Variants in NEGR1 observed in about 807,000 individuals in gnomAD.
NEGR1 encodes neuronal growth regulator 1.
Under a neutral mutation model 40.9 loss-of-function variants are expected in NEGR1, and 10 were observed. That is an observed-to-expected ratio of 0.24 (90% CI 0.15 to 0.42). The LOEUF (loss-of-function observed/expected upper bound fraction) is 0.42. NEGR1 is among the 10% of genes least tolerant of loss of function. The probability of loss-of-function intolerance (pLI) is 1.00; values close to 1 mark genes in which losing one functional copy is unlikely to be tolerated. For synonymous variants in NEGR1, 185 were observed against 166.8 expected (o/e 1.11, Z -0.84); for missense variants, 352 against 438.9 (o/e 0.80, Z 1.77).
chr1:72,148,056 G>A (rs1650976008), intron 1 of NEGR1, among the ~76,000 whole-genome samples: 1 of 152,112 alleles, frequency 6.6e-6, no homozygotes, highest in African/African-American at 2.4e-5. Flanking sequence ...GGGGTTTGGA[G>A]GATGGTGACC....
intron 3 of NEGR1, among the ~76,000 whole-genome samples, chr1:71,743,859 A>G (rs1251012402): frequency 6.6e-6 from 1 of 152,232 alleles, no homozygotes; most frequent in Non-Finnish European, 1.5e-5. Flanking sequence ...TAATTGAAGT[A>G]GTAGACTGCA....
chr1:72,277,259 C>G (rs542620319), intron 1 of NEGR1, among the ~76,000 whole-genome samples: 3 of 152,178 alleles, frequency 2.0e-5, no homozygotes, highest in South Asian at 2.1e-4. Flanking sequence ...CACAGAATAG[C>G]AGATGGACAA....
At position 71,655,031 on chromosome 1, in the gene NEGR1, T is replaced by G. The variant is rs1032690524; in HGVS notation, c.667+42977A>C. Among the ~76,000 whole-genome samples the G allele has an allele frequency of 3.9e-5, 6 of 152,298 alleles. No individual in the cohort carries two copies. The East Asian group carries it at 1.2e-3, about 29-fold the overall frequency. On this transcript the variant is annotated intron_variant, in intron 4 of 6. Coordinates refer to ENST00000357731, the MANE Select transcript of NEGR1 (RefSeq NM_173808.3). Reference sequence around the variant, plus strand: ...TGTTTGTCAGTTGAAATTTCAGTTCTGTTTTTGGCCACGTCCAATTGAAAC... The same window carrying G: ...TGTTTGTCAGTTGAAATTTCAGTTCGGTTTTTGGCCACGTCCAATTGAAAC...
chr1:71,824,276 C>CT lies in NEGR1; in HGVS notation c.410-47980dup, dbSNP rs531554223. On this transcript the variant is annotated intron_variant, in intron 2 of 6. Coordinates refer to ENST00000357731, the MANE Select transcript of NEGR1 (RefSeq NM_173808.3). ...TTAGCCACTGCAATTTTCTCAAACA[C>CT]TTTTTTTATTGAAAATATGGGCAGT... 4.6e-4 allele frequency among the ~76,000 whole-genome samples: 70 copies of CT among 151,664 alleles called. 1 individual carries two copies. In the South Asian group the frequency reaches 0.014, roughly 31 times the overall value.
chr1:71,844,883 A>T (rs1254888459), intron 2 of NEGR1, among the ~76,000 whole-genome samples: 1 of 152,150 alleles, frequency 6.6e-6, no homozygotes, highest in African/African-American at 2.4e-5. Context: ...GACATCCTTG[A>T]ACAGACAGGC....
At chr1:72,241,511 A>G (rs578046900) in intron 1 of NEGR1, among the ~76,000 whole-genome samples, 7 of 151,652 alleles carry the variant, frequency 4.6e-5, no homozygotes, top group African/African-American at 1.4e-4. Context: ...AGTACCATAA[A>G]CTAACTACTC....
At chr1:71,607,600 T>A (rs1053725097) in intron 5 of NEGR1, among the ~76,000 whole-genome samples, 1 of 152,252 alleles carries the variant, frequency 6.6e-6, no homozygotes, top group African/African-American at 2.4e-5. Context: ...AGGTTTGTTA[T>A]AAGAGTAAAA....
intron 4 of NEGR1, among the ~76,000 whole-genome samples, chr1:71,655,715 T>C (rs906403355): frequency 3.3e-5 from 5 of 152,258 alleles, no homozygotes; most frequent in African/African-American, 1.2e-4. Flanking sequence ...CCTGTCCTTG[T>C]TCTCACAGAG....
At chr1:71,887,750 T>C (rs1386550915) in intron 2 of NEGR1, among the ~76,000 whole-genome samples, 2 of 152,142 alleles carry the variant, frequency 1.3e-5, no homozygotes, top group African/African-American at 2.4e-5. Context: ...TATTTTGTTG[T>C]TGTTTTTACT....
chr1:72,104,914 A>G (rs527528256), intron 1 of NEGR1, among the ~76,000 whole-genome samples: 1 of 152,290 alleles, frequency 6.6e-6, no homozygotes, highest in Middle Eastern at 3.4e-3. Context: ...GACTTATCAG[A>G]GTACAGTCTG....
At chr1:71,988,653 A>T (rs1018097343) in intron 1 of NEGR1, among the ~76,000 whole-genome samples, 7 of 151,832 alleles carry the variant, frequency 4.6e-5, no homozygotes, top group African/African-American at 1.7e-4. Context: ...AGGGAAAAAA[A>T]CTGAAGATGC....
At chr1:72,098,427 G>GT (rs1648796787) in intron 1 of NEGR1, among the ~76,000 whole-genome samples, 1 of 152,136 alleles carries the variant, frequency 6.6e-6, no homozygotes, top group African/African-American at 2.4e-5. Flanking sequence ...CACGAAGGCT[G>GT]TTTTTTAAAA....
intron 1 of NEGR1, among the ~76,000 whole-genome samples, chr1:72,213,470 A>T: frequency 6.6e-6 from 1 of 152,002 alleles, no homozygotes; most frequent in South Asian, 2.1e-4. Flanking sequence ...GAAAACATTC[A>T]TCCAGGTAAT....
chr1:72,010,802 T>C (rs974719398), intron 1 of NEGR1, among the ~76,000 whole-genome samples: 5 of 152,162 alleles, frequency 3.3e-5, no homozygotes, highest in African/African-American at 1.2e-4. Context: ...ACTGGGTGGA[T>C]GGAAGTGACT....
chr1:71,923,536 T>C (rs1001868191), intron 2 of NEGR1, among the ~76,000 whole-genome samples: 4 of 152,196 alleles, frequency 2.6e-5, no homozygotes, highest in African/African-American at 9.7e-5. Flanking sequence ...TTGGCTGCCA[T>C]AACAAATTAT....
chr1:71,690,599 C>CACACAT (rs1491429462), intron 4 of NEGR1, among the ~76,000 whole-genome samples: 21 of 102,978 alleles, frequency 2.0e-4, no homozygotes, highest in African/African-American at 5.1e-4. Flanking sequence ...CACACACACA[C>CACACAT]ATATATATAT....
chr1:71,994,199 C>G (rs1646481654), intron 1 of NEGR1, among the ~76,000 whole-genome samples: 1 of 152,042 alleles, frequency 6.6e-6, no homozygotes, highest in Non-Finnish European at 1.5e-5. Flanking sequence ...GAATTATGAG[C>G]CTAAAGGTGA....
intron 2 of NEGR1, among the ~76,000 whole-genome samples, chr1:71,905,454 A>G (rs942408735): frequency 1.3e-5 from 2 of 152,140 alleles, no homozygotes; most frequent in East Asian, 3.9e-4. Context: ...ATTCACATCA[A>G]GAAAATCATT....
At chr1:71,482,164 C>G (rs1353519124) in intron 6 of NEGR1, among the ~76,000 whole-genome samples, 1 of 151,838 alleles carries the variant, frequency 6.6e-6, no homozygotes, top group African/African-American at 2.4e-5. Flanking sequence ...CCTCTCTACA[C>G]TAAATAGTCA....
Sources: allele counts gnomAD v4.1 joint callset (sites outside exome capture counted in the v4.1 genomes callset), GRCh38; gene constraint gnomAD v4.1.1; transcripts MANE v1.5; gene names NCBI Gene and HGNC (gene_info 2026-07-23, HGNC 2026-07-21).